TCF7L2: variants seen among roughly 807,000 people sequenced by gnomAD.
TCF7L2 encodes the protein transcription factor 7-like 2.
TCF7L2 carries 23 observed loss-of-function variants against 77.9 expected under a neutral mutation model. The observed-to-expected ratio is 0.30, with a 90% CI of 0.21 to 0.42. The LOEUF (loss-of-function observed/expected upper bound fraction) is 0.42, where lower values mean the gene tolerates loss of function less well. Among genes scored for constraint, TCF7L2 ranks in the 10% least tolerant of loss-of-function variants. The pLI is 1.00. For missense variants in TCF7L2, 654 were observed against 793.1 expected, an observed-to-expected ratio of 0.82 and a Z score of 2.11; for synonymous variants, 413 against 340.2, an observed-to-expected ratio of 1.21 and a Z score of -2.36.
rs190131632 is a variant in TCF7L2 at position 113,167,308 on chromosome 10, T to C, written c.*1336T>C. 106 of 228,054 alleles carry C rather than the reference T, an allele frequency of 4.6e-4. No individual in the cohort carries two copies. Among genetic ancestry groups the C allele is most frequent in the African/African-American group, 2.3e-3 (106 of 45,140 alleles). The allele number at this position is 228,054 out of a possible 1,614,324, so 14.1% of individuals were successfully genotyped here. On this transcript the variant is annotated 3_prime_UTR_variant, in exon 14 of 14. Coordinates refer to ENST00000627217, the MANE Select transcript of TCF7L2 (RefSeq NM_001146274.2). ...TTAAACGAAAAACCAGCTGCCGCTT[T>C]TATGTACACATATTACATACGAGTA...
chr10:113,029,221 G>A lies in TCF7L2; in HGVS notation c.451-10804G>A, dbSNP rs1243381221. The stretch of plus-strand genomic sequence containing the variant: ...TGCCTGTGGTTTTGTTGACTCAACT[G>A]CTCTTCTGTTGTTTTTTAGCCACAT... On this transcript the variant is annotated intron_variant, in intron 4 of 13. Coordinates refer to ENST00000627217, the MANE Select transcript of TCF7L2 (RefSeq NM_001146274.2). Among the ~76,000 whole-genome samples the A allele has an allele frequency of 2.0e-5, 3 of 152,200 alleles. No homozygotes were observed. In the Middle Eastern group the frequency reaches 0.01, roughly 518 times the overall value.
At chr10:113,006,294 TCTTA>T (rs2045540622) in intron 4 of TCF7L2, among the ~76,000 whole-genome samples, 1 of 152,182 alleles carries the variant, frequency 6.6e-6, no homozygotes, top group Non-Finnish European at 1.5e-5. Context: ...CTTAGTTGAA[TCTTA>T]CTTTTTGTAT....
At chr10:113,046,346 G>A (rs1448533037) in intron 5 of TCF7L2, among the ~76,000 whole-genome samples, 1 of 152,048 alleles carries the variant, frequency 6.6e-6, no homozygotes, top group South Asian at 2.1e-4. Flanking sequence ...AGCACTGTTT[G>A]GTAGCTATCT....
chr10:113,055,255 A>G (rs1306213057), intron 5 of TCF7L2, among the ~76,000 whole-genome samples: 1 of 152,086 alleles, frequency 6.6e-6, no homozygotes, highest in African/African-American at 2.4e-5. Context: ...CAGCATATAA[A>G]CTCTTTCCTC....
intron 5 of TCF7L2, among the ~76,000 whole-genome samples, chr10:113,124,874 G>C (rs140404476): frequency 8.0e-4 from 122 of 152,064 alleles, no homozygotes; most frequent in Admixed American, 2.6e-3. Flanking sequence ...TCTTGGCTCC[G>C]AAGGAGTCTA....
At chr10:113,022,636 C>T (rs1167488379) in intron 4 of TCF7L2, among the ~76,000 whole-genome samples, 3 of 152,158 alleles carry the variant, frequency 2.0e-5, no homozygotes, top group Non-Finnish European at 4.4e-5. Flanking sequence ...CTTGCAACAT[C>T]TCAAGGGATT....
intron 5 of TCF7L2, chr10:113,126,134 G>A (rs2065562670): frequency 6.7e-6 from 1 of 150,164 alleles, no homozygotes. Context: ...AGTTAGTCAT[G>A]AAAAATGTTA....
intron 11 of TCF7L2, among the ~76,000 whole-genome samples, chr10:113,154,705 C>T (rs895793542): frequency 6.6e-6 from 1 of 152,092 alleles, no homozygotes; most frequent in African/African-American, 2.4e-5. Context: ...GTTAGGCACT[C>T]GAAATGACTT....
At position 112,964,739 on chromosome 10, in the gene TCF7L2, ATGGTGG is replaced by A. The variant is rs750227326; in HGVS notation, c.450+130_450+135del. ...AATGATGATGATGATGATGATGATG[ATGGTGG>A]TGGTGGTGGTGGTGATGGTGGTGGT... is the stretch of plus-strand genomic sequence containing the variant. On this transcript the variant is annotated intron_variant, in intron 4 of 13. Coordinates refer to ENST00000627217, the MANE Select transcript of TCF7L2 (RefSeq NM_001146274.2). 1,369 of 577,378 alleles carry A rather than the reference ATGGTGG, an allele frequency of 2.4e-3. 43 individuals carry two copies. In the East Asian group the frequency reaches 0.074, roughly 31 times the overall value. The allele number at this position is 577,378 out of a possible 1,614,324, so 35.8% of individuals were successfully genotyped here.
intron 4 of TCF7L2, among the ~76,000 whole-genome samples, chr10:112,973,147 A>C (rs7901275): frequency 0.54 from 81,340 of 152,034 alleles, 22,902 homozygotes; most frequent in African/African-American, 0.71. Flanking sequence ...CACAAGCTCA[A>C]GTATCACCTG....
chr10:113,152,150 A>C (rs912194555), intron 10 of TCF7L2, among the ~76,000 whole-genome samples, 183 bp from the exon 11 acceptor site: 2 of 152,220 alleles, frequency 1.3e-5, no homozygotes, highest in African/African-American at 4.8e-5. Flanking sequence ...AGTTTTGTCT[A>C]AACATTCCTG....
chr10:113,127,586 A>C (rs1212011105), intron 5 of TCF7L2, among the ~76,000 whole-genome samples: 1 of 151,764 alleles, frequency 6.6e-6, no homozygotes, highest in Non-Finnish European at 1.5e-5. Flanking sequence ...GTTTTGGGGA[A>C]GTGTTTTTTT....
At position 113,143,090 on chromosome 10, in the gene TCF7L2, C is replaced by G. The variant is rs80057642; in HGVS notation, c.686-833C>G. On this transcript the variant is annotated intron_variant, in intron 6 of 13. Coordinates refer to ENST00000627217, the MANE Select transcript of TCF7L2 (RefSeq NM_001146274.2). ...GTGGTATTGTGCCTTTTGCCTCCCA[C>G]TTCAATGGCATACATCAATTCCTCT... 6.3e-4 allele frequency among the ~76,000 whole-genome samples: 96 copies of G among 152,350 alleles called. 1 individual carries two copies. The East Asian group carries it at 0.015, about 24-fold the overall frequency.
rs375945855 is a variant in TCF7L2 at position 113,165,792 on chromosome 10, C to T, written c.1629C>T (p.Ala543=). Residue 543 remains alanine (A), a synonymous_variant, in exon 14 of 14, where the codon GCC becomes GCT. Transcript: ENST00000627217. ...CACCCGCCCTCCTGCTCGCTGAGGC[C>T]ACCCACAAGGCCTCCGCCCTCTGTC... The T allele has an allele frequency of 6.3e-5, 101 of 1,605,222 alleles. No individual in the cohort carries two copies. In the Admixed American group the frequency reaches 9.6e-4, roughly 15 times the overall value.
intron 5 of TCF7L2, among the ~76,000 whole-genome samples, chr10:113,086,463 C>G (rs912489327): frequency 6.6e-6 from 1 of 152,228 alleles, no homozygotes; most frequent in Non-Finnish European, 1.5e-5. Flanking sequence ...GAGATCTTAT[C>G]TTTCCCTACA....
chr10:113,003,412 A>G (rs563081766), intron 4 of TCF7L2, among the ~76,000 whole-genome samples: 1 of 152,194 alleles, frequency 6.6e-6, no homozygotes, highest in Non-Finnish European at 1.5e-5. Flanking sequence ...CTGTCCCCAG[A>G]GCCTCAGCAT....
chr10:113,166,963 A>G lies in TCF7L2; in HGVS notation c.*991A>G. On this transcript the variant is annotated 3_prime_UTR_variant, in exon 14 of 14. Transcript: ENST00000627217. ...AAATGAGTGAGGGAATTTTAGCGAC[A>G]CTGTCTGAGCAGCAGTGGGAACCAT... The G allele has an allele frequency of 4.3e-6, 1 of 231,410 alleles. No individual in the cohort carries two copies. The highest frequency in any genetic ancestry group is 6.1e-5 in the East Asian group (1 of 16,314). 14.3% of individuals were successfully genotyped at this position (231,410 alleles called of 1,614,324 possible).
chr10:113,160,139 A>G (rs966178034), intron 12 of TCF7L2, 147 bp downstream of exon 14: 7 of 686,662 alleles, frequency 1.0e-5, no homozygotes, highest in African/African-American at 1.8e-5. Flanking sequence ...TATGGGTTCT[A>G]TGAGGGATGT....
At chr10:113,092,800 G>C (rs1478005452) in intron 5 of TCF7L2, among the ~76,000 whole-genome samples, 2 of 152,170 alleles carry the variant, frequency 1.3e-5, no homozygotes, top group Non-Finnish European at 2.9e-5. Context: ...GGGGACGGAG[G>C]TTGCAGTGAG....
Sources: gnomAD v4.1 joint callset for allele counts (sites outside exome capture counted in the v4.1 genomes callset) on GRCh38, gnomAD v4.1.1 for gene constraint, MANE v1.5 for transcripts, NCBI Gene and HGNC (gene_info 2026-07-23, HGNC 2026-07-21) for gene names.